GNB1: variants seen among roughly 807,000 people sequenced by gnomAD.
GNB1 encodes the protein G protein subunit beta 1.
A neutral mutation model predicts 42.9 loss-of-function variants in GNB1; 2 were observed. The observed-to-expected ratio is 0.05, with a 90% CI of 0.02 to 0.15. GNB1 has a LOEUF of 0.15. GNB1 is among the 10% of genes least tolerant of loss of function. The pLI, the probability that GNB1 is intolerant of heterozygous loss-of-function variation, is 1.00. For synonymous variants in GNB1, 183 were observed against 174.7 expected, an observed-to-expected ratio of 1.05 and a Z score of -0.38; for missense variants, 193 against 462.2, an observed-to-expected ratio of 0.42 and a Z score of 5.34.
At chr1:1,834,023 T>C (rs1259969804) in intron 2 of GNB1, among the ~76,000 whole-genome samples, 2 of 151,968 alleles carry the variant, frequency 1.3e-5, no homozygotes, top group Non-Finnish European at 2.9e-5. Flanking sequence ...CTTTAACAAA[T>C]AAACTTCAAG....
chr1:1,824,462 CT>C (rs1261389083), intron 3 of GNB1, among the ~76,000 whole-genome samples: 1 of 152,174 alleles, frequency 6.6e-6, no homozygotes, highest in Non-Finnish European at 1.5e-5. Context: ...TTTATGAACT[CT>C]GCAATTTAAC....
chr1:1,817,734 C>T (rs895335116), intron 4 of GNB1, 103 bp downstream of exon 4: 37 of 753,260 alleles, frequency 4.9e-5, no homozygotes, highest in Admixed American at 1.5e-4. Flanking sequence ...ATCCTCACTG[C>T]GCAACAGAGA....
In GNB1 at chr1:1,804,413, A is replaced by G; in HGVS notation, c.430+6T>C. 1 of 1,609,024 alleles carries G rather than the reference A, an allele frequency of 6.2e-7. No individual in the cohort carries two copies. The highest frequency in any genetic ancestry group is 8.5e-7 in the Non-Finnish European group (1 of 1,175,364). On this transcript the variant is annotated splice_donor_region_variant and intron_variant, in intron 7 of 11. Transcript: ENST00000378609. ...TCACTTGAAGCTTATGAACAAGGAC[A>G]GGTACCTGTGTGTCCTGCCAGCTCA...
chr1:1,848,715 A>G (rs1173090036), intron 1 of GNB1, among the ~76,000 whole-genome samples: 3 of 152,244 alleles, frequency 2.0e-5, no homozygotes, highest in African/African-American at 4.8e-5. Flanking sequence ...ATAGCAGGCT[A>G]TTAGTAGTTC....
chr1:1,889,352 A>C (rs1297074125), intron 1 of GNB1, among the ~76,000 whole-genome samples: 2 of 152,196 alleles, frequency 1.3e-5, no homozygotes, highest in Non-Finnish European at 2.9e-5. Context: ...CAATGAACCA[A>C]TGCTCCCCAA....
At position 1,804,439 on chromosome 1, in the gene GNB1, C is replaced by T; in HGVS notation, c.410G>A (p.Arg137His). ...KTREGNVRVS[R>H]ELAGHTGYLS... ...GGTACCTGTGTGTCCTGCCAGCTCA[C>T]GACTCACGCGCACGTTCCCCTCACG... Residue 137 changes from arginine to histidine, a missense_variant, in exon 7 of 12, where the codon CGT becomes CAT. By Grantham distance (29) the Arg-to-His change is conservative. Around this residue, in one of 2 missense-constraint regions of GNB1, gnomAD observed 150 missense variants for 410.8 expected, o/e 0.37. Coordinates refer to ENST00000378609, the MANE Select transcript of GNB1 (RefSeq NM_002074.5). 1.2e-6 allele frequency: 2 copies of T among 1,613,484 alleles called. No individual in the cohort carries two copies. Among genetic ancestry groups the T allele is most frequent in the Non-Finnish European group, 1.7e-6 (2 of 1,179,446 alleles).
At chr1:1,883,132 C>G (rs1048634963) in intron 1 of GNB1, among the ~76,000 whole-genome samples, 4 of 151,642 alleles carry the variant, frequency 2.6e-5, no homozygotes, top group South Asian at 4.2e-4. Context: ...ATTAGCTGGG[C>G]ACGGTGGCAT....
At chr1:1,846,386 G>A (rs962190493) in intron 1 of GNB1, among the ~76,000 whole-genome samples, 3 of 152,088 alleles carry the variant, frequency 2.0e-5, no homozygotes, top group Non-Finnish European at 2.9e-5. Flanking sequence ...GGCCAACGTG[G>A]TGAAACTCCA....
At position 1,862,149 on chromosome 1, in the gene GNB1, G is replaced by A. The variant is rs557229174; in HGVS notation, c.-95-22911C>T. On this transcript the variant is annotated intron_variant, in intron 1 of 11. Coordinates refer to ENST00000378609, the MANE Select transcript of GNB1 (RefSeq NM_002074.5). ...AGGCAGGACAATCACTTGAACCAAG[G>A]AGATGAAAGTTGCAGTGAGCCAAGA... Among the ~76,000 whole-genome samples, 4 of 152,312 alleles carry A rather than the reference G, an allele frequency of 2.6e-5. No individual in the cohort carries two copies. In the South Asian group the frequency reaches 8.3e-4, roughly 32 times the overall value.
intron 3 of GNB1, among the ~76,000 whole-genome samples, chr1:1,824,147 T>A (rs1646967155): frequency 6.6e-6 from 1 of 152,200 alleles, no homozygotes; most frequent in African/African-American, 2.4e-5. Context: ...GGACAAAACC[T>A]AAAAACATAC....
intron 1 of GNB1, among the ~76,000 whole-genome samples, chr1:1,848,787 C>A (rs1188250391): frequency 6.6e-6 from 1 of 152,132 alleles, no homozygotes; most frequent in African/African-American, 2.4e-5. Context: ...ACTCCTAATC[C>A]CTGTGTTAAG....
chr1:1,849,017 G>C (rs955685129), intron 1 of GNB1, among the ~76,000 whole-genome samples: 10 of 152,224 alleles, frequency 6.6e-5, no homozygotes, highest in Non-Finnish European at 1.5e-4. Context: ...CTGGTCACCA[G>C]AAAGACAAAC....
chr1:1,843,580 G>A (rs760648670), intron 1 of GNB1, among the ~76,000 whole-genome samples: 4 of 152,120 alleles, frequency 2.6e-5, no homozygotes, highest in Non-Finnish European at 5.9e-5. Context: ...CTCAAGATTG[G>A]AGTAAGGATG....
At chr1:1,825,161 C>A in intron 3 of GNB1, 1 of 442,482 alleles carries the variant, frequency 2.3e-6, no homozygotes, top group Non-Finnish European at 4.1e-6. Context: ...CTTATAAATT[C>A]TACGGAGACA....
At chr1:1,855,074 G>A (rs529067539) in intron 1 of GNB1, among the ~76,000 whole-genome samples, 4 of 151,448 alleles carry the variant, frequency 2.6e-5, no homozygotes, top group South Asian at 4.2e-4. Flanking sequence ...CAGGAGAATC[G>A]CTTGAACCCT....
intron 5 of GNB1, among the ~76,000 whole-genome samples, chr1:1,813,040 T>A (rs1299019627): frequency 1.3e-5 from 2 of 152,156 alleles, no homozygotes; most frequent in African/African-American, 4.8e-5. Flanking sequence ...CTGCCTAATC[T>A]GCACATCAGT....
At chr1:1,887,455 T>G (rs544485464) in intron 1 of GNB1, among the ~76,000 whole-genome samples, 1 of 152,234 alleles carries the variant, frequency 6.6e-6, no homozygotes, top group Admixed American at 6.5e-5. Flanking sequence ...CCCAGAAATT[T>G]TTAGCAAAGC....
At chr1:1,862,989 C>T (rs754071816) in intron 1 of GNB1, among the ~76,000 whole-genome samples, 57 of 152,148 alleles carry the variant, frequency 3.7e-4, no homozygotes, top group Non-Finnish European at 6.2e-4. Flanking sequence ...AGCCCCACGC[C>T]AGGCCACATC....
intron 1 of GNB1, among the ~76,000 whole-genome samples, chr1:1,859,625 G>A (rs1464624793): frequency 7.1e-6 from 1 of 141,592 alleles, no homozygotes; most frequent in African/African-American, 2.6e-5. Context: ...GGGGAGGAAA[G>A]AAAATGTAAA....
Sources: allele counts gnomAD v4.1 joint callset (sites outside exome capture counted in the v4.1 genomes callset), GRCh38; gene constraint gnomAD v4.1.1; regional missense constraint gnomAD v4.1.1; transcripts MANE v1.5; gene names NCBI Gene and HGNC (gene_info 2026-07-23, HGNC 2026-07-21).